SCN11A: variants seen among roughly 807,000 people sequenced by gnomAD.
The protein encoded by SCN11A is sodium voltage-gated channel alpha subunit 11.
In SCN11A, 122 loss-of-function variants were observed where a neutral mutation model predicts 162.2. The ratio of observed to expected loss-of-function variants is 0.75; its 90% CI spans 0.65 to 0.87. The LOEUF (loss-of-function observed/expected upper bound fraction) is 0.87, where lower values mean the gene tolerates loss of function less well. Among genes scored for constraint, SCN11A ranks in the 40% least tolerant of loss-of-function variants. The pLI, the probability that SCN11A is intolerant of heterozygous loss-of-function variation, is 0.00. For missense variants in SCN11A, 2,015 were observed against 2,181.6 expected, an observed-to-expected ratio of 0.92 and a Z score of 1.52; for synonymous variants, 758 against 751.5, an observed-to-expected ratio of 1.01 and a Z score of -0.14.
Position 38,944,452 on chromosome 3 carries a change from G to A in SCN11A, c.488+959C>T, listed in dbSNP as rs375994540. On this transcript the variant is annotated intron_variant, in intron 7 of 29. Coordinates refer to ENST00000302328, the MANE Select transcript of SCN11A (RefSeq NM_001349253.2). ...TGCCATTCTCCTGCCTCAGCCTCCC[G>A]AGTAGCTGGGACTACAGGCACCCGC... 2.7e-3 allele frequency among the ~76,000 whole-genome samples: 408 copies of A among 151,036 alleles called. 2 individuals are homozygous for A. The highest frequency in any genetic ancestry group is 9.3e-3 in the African/African-American group (384 of 41,154).
At chr3:39,036,851 G>C (rs919301222) in intron 1 of SCN11A, among the ~76,000 whole-genome samples, 25 of 152,254 alleles carry the variant, frequency 1.6e-4, no homozygotes, top group South Asian at 4.1e-4. Context: ...TGGAGAAAAG[G>C]GAACCCTCAT....
chr3:38,975,772 CT>C (rs2125588594), intron 2 of SCN11A, among the ~76,000 whole-genome samples: 1 of 152,180 alleles, frequency 6.6e-6, no homozygotes, highest in African/African-American at 2.4e-5. Flanking sequence ...TATGAGATAC[CT>C]AGCAATTCAT....
intron 27 of SCN11A, among the ~76,000 whole-genome samples, chr3:38,865,329 T>C (rs1422343999): frequency 6.6e-6 from 1 of 152,148 alleles, no homozygotes; most frequent in Non-Finnish European, 1.5e-5. Flanking sequence ...AAGACTGACA[T>C]CCAAATTGCA....
At chr3:38,973,386 C>T (rs1487708447) in intron 2 of SCN11A, among the ~76,000 whole-genome samples, 1 of 150,464 alleles carries the variant, frequency 6.6e-6, no homozygotes, top group East Asian at 1.9e-4. Context: ...AGTAACACCA[C>T]ATAAATGGTG....
chr3:38,986,225 A>AC (rs1379426068), intron 2 of SCN11A, among the ~76,000 whole-genome samples: 1 of 150,704 alleles, frequency 6.6e-6, no homozygotes, highest in Non-Finnish European at 1.5e-5. Context: ...GACCGTCACC[A>AC]CACCATCCAC....
At chr3:38,928,943 T>C (rs1321841254) in intron 7 of SCN11A, among the ~76,000 whole-genome samples, 2 of 152,106 alleles carry the variant, frequency 1.3e-5, no homozygotes, top group East Asian at 3.8e-4. Flanking sequence ...GGTATATGTA[T>C]AAAAGAATTG....
chr3:38,983,767 C>G (rs2030139741), intron 2 of SCN11A, among the ~76,000 whole-genome samples: 1 of 152,220 alleles, frequency 6.6e-6, no homozygotes, highest in South Asian at 2.1e-4. Flanking sequence ...AAAGAACTAT[C>G]CATCTCTATT....
At chr3:39,024,595 TCATAAAACCAGAA>T (rs1397393119) in intron 2 of SCN11A, among the ~76,000 whole-genome samples, 1 of 152,138 alleles carries the variant, frequency 6.6e-6, no homozygotes, top group Non-Finnish European at 1.5e-5. Flanking sequence ...CCAAAGCCAG[TCATAAAACCAGAA>T]CATAATACTC....
chr3:38,875,517 C>T (rs2065193825), intron 23 of SCN11A, among the ~76,000 whole-genome samples: 1 of 152,060 alleles, frequency 6.6e-6, no homozygotes, highest in Non-Finnish European at 1.5e-5. Flanking sequence ...TTTCAGGATA[C>T]AAAATCAATG....
intron 7 of SCN11A, among the ~76,000 whole-genome samples, chr3:38,927,745 G>A (rs2066166588): frequency 6.6e-6 from 1 of 152,142 alleles, no homozygotes; most frequent in Non-Finnish European, 1.5e-5. Flanking sequence ...GAAGGGGAAA[G>A]CCCCTAATGA....
chr3:38,855,108 G>A (rs1414089237), intron 28 of SCN11A, among the ~76,000 whole-genome samples: 1 of 152,222 alleles, frequency 6.6e-6, no homozygotes, highest in Non-Finnish European at 1.5e-5. Context: ...TTTGTCAGCA[G>A]GGAAGCTTAT....
At chr3:38,854,762 T>A (rs1267772369) in intron 28 of SCN11A, among the ~76,000 whole-genome samples, 1 of 152,190 alleles carries the variant, frequency 6.6e-6, no homozygotes, top group Non-Finnish European at 1.5e-5. Context: ...GTTGTAACCT[T>A]ACCTAGAGCT....
Position 38,925,500 on chromosome 3 carries a change from T to C in SCN11A, c.627A>G (p.Ser209=), listed in dbSNP as rs766059994. The C allele has an allele frequency of 1.9e-6, 3 of 1,611,342 alleles. No individual in the cohort carries two copies. Among genetic ancestry groups the C allele is most frequent in the Admixed American group, 1.7e-5 (1 of 60,002 alleles). Residue 209 remains serine (S), a synonymous_variant, in exon 9 of 30, where the codon TCA becomes TCG. Transcript: ENST00000302328. ...GTTTGATGGTGATTCCTGGAATATATGACACAATCCTACAAGACAAAGCAC... is the reference window on the plus strand; with the variant it reads ...GTTTGATGGTGATTCCTGGAATATACGACACAATCCTACAAGACAAAGCAC... ...DSIVIGIAIV[S]YIPGITIKLL...
At chr3:38,954,791 C>A (rs537978726) in intron 3 of SCN11A, among the ~76,000 whole-genome samples, 1 of 152,254 alleles carries the variant, frequency 6.6e-6, no homozygotes, top group Non-Finnish European at 1.5e-5. Flanking sequence ...GAGTTTGAGA[C>A]CAGCCTGGCC....
intron 1 of SCN11A, among the ~76,000 whole-genome samples, chr3:39,049,064 A>C (rs1411243635): frequency 6.6e-6 from 1 of 152,268 alleles, no homozygotes; most frequent in Non-Finnish European, 1.5e-5. Flanking sequence ...TTGTAAGTAA[A>C]GTAAGGGTTG....
chr3:38,890,299 A>G (rs2065478476), intron 19 of SCN11A, among the ~76,000 whole-genome samples: 1 of 152,224 alleles, frequency 6.6e-6, no homozygotes, highest in Non-Finnish European at 1.5e-5. Context: ...AGTGGGAGGT[A>G]ATTCATAAGA....
chr3:38,855,904 T>A (rs761529381), intron 28 of SCN11A, among the ~76,000 whole-genome samples: 36 of 152,072 alleles, frequency 2.4e-4, no homozygotes, highest in Non-Finnish European at 4.6e-4. Context: ...TTTGCAAACA[T>A]TCCCCAGCAC....
intron 28 of SCN11A, among the ~76,000 whole-genome samples, chr3:38,861,748 G>T (rs901460708): frequency 6.6e-6 from 1 of 152,046 alleles, no homozygotes; most frequent in Non-Finnish European, 1.5e-5. Flanking sequence ...ACTCAAGATG[G>T]ATCAGACTTA....
chr3:38,863,128 C>T (rs537941390), intron 28 of SCN11A, 67 bp downstream of exon 28: 37 of 921,420 alleles, frequency 4.0e-5, no homozygotes, highest in African/African-American at 1.3e-4. Flanking sequence ...GATGGCATTA[C>T]GGAAATTTGA....
Sources: allele counts gnomAD v4.1 joint callset (sites outside exome capture counted in the v4.1 genomes callset), GRCh38; gene constraint gnomAD v4.1.1; transcripts MANE v1.5; gene names NCBI Gene and HGNC (gene_info 2026-07-23, HGNC 2026-07-21).